Variants in ACOX1 observed in about 807,000 individuals in gnomAD.
ACOX1 encodes the protein acyl-CoA oxidase 1.
A neutral mutation model predicts 75.5 loss-of-function variants in ACOX1; 41 were observed. The observed-to-expected ratio is 0.54, with a 90% CI of 0.42 to 0.70. The LOEUF is 0.70. Among genes scored for constraint, ACOX1 ranks in the 30% least tolerant of loss-of-function variants. The probability of loss-of-function intolerance (pLI) is 0.00; values close to 1 mark genes in which losing one functional copy is unlikely to be tolerated. For missense variants in ACOX1, 630 were observed against 837.5 expected (o/e 0.75, Z 3.06); for synonymous variants, 303 against 298.8 (o/e 1.01, Z -0.15).
intron 2 of ACOX1, chr17:75,973,858 AG>A: frequency 6.7e-7 from 1 of 1,500,482 alleles, no homozygotes; most frequent in South Asian, 1.2e-5. Flanking sequence ...CTTGCCAAAC[AG>A]CTTTGGCCTT....
Position 75,950,848 on chromosome 17 carries a change from T to C in ACOX1, c.1224A>G (p.Pro408=). 3.7e-6 allele frequency: 6 copies of C among 1,614,174 alleles called. No individual in the cohort carries two copies. The highest frequency in any genetic ancestry group is 4.2e-6 in the Non-Finnish European group (5 of 1,180,044). The part of the protein sequence containing the change: ...GHGYSHCSGL[P]NIYVNFTPSC... ...TTGGGGTGAAATTGACATAAATATTTGGAAGACCACTGCAATGAGAATAGC... is the reference window on the plus strand; with the variant it reads ...TTGGGGTGAAATTGACATAAATATTCGGAAGACCACTGCAATGAGAATAGC... The change falls in exon 9 of 14, where the codon CCA becomes CCG. Residue 408 remains proline (P), a synonymous_variant. Transcript: ENST00000293217. The surrounding 1 kb of genome is among the most constrained non-coding windows in gnomAD (Gnocchi z 4.3).
intron 2 of ACOX1, among the ~76,000 whole-genome samples, chr17:75,970,206 A>AAAAAAAAAAG (rs1290176098): frequency 2.0e-5 from 3 of 151,200 alleles, no homozygotes; most frequent in African/African-American, 7.3e-5. Flanking sequence ...AAAAAAGAGG[A>AAAAAAAAAAG]AGGAAGGAAG....
chr17:75,979,138 G>A lies in ACOX1; in HGVS notation c.-65C>T. ...GTGGCAGTGACAATCTAAATCCGCA[G>A]CTCCAGCGCCGGCCGGACCCTAGGA... On this transcript the variant is annotated 5_prime_UTR_variant, in exon 1 of 14. Transcript: ENST00000293217. The A allele has an allele frequency of 6.3e-7, 1 of 1,591,076 alleles. No homozygotes were observed. The highest frequency in any genetic ancestry group is 1.7e-5 in the Admixed American group (1 of 58,544).
At chr17:75,961,759 CAA>C (rs61575984) in intron 2 of ACOX1, among the ~76,000 whole-genome samples, 20 of 53,050 alleles carry the variant, frequency 3.8e-4, no homozygotes, top group African/African-American at 6.5e-4. Context: ...GACTCTGTCT[CAA>C]AAAAAAAAAA....
At chr17:75,957,303 A>G in intron 4 of ACOX1, 156 bp downstream of exon 4, 1 of 703,194 alleles carries the variant, frequency 1.4e-6, no homozygotes, top group Non-Finnish European at 2.6e-6. Context: ...CTGGTCTTGA[A>G]TTCCTGACCT....
At chr17:75,964,910 C>T (rs73357507) in intron 2 of ACOX1, among the ~76,000 whole-genome samples, 7,546 of 151,992 alleles carry the variant, frequency 0.05, 207 homozygotes, top group East Asian at 0.095. Context: ...ACCAATTAGA[C>T]TAATCATATA....
Position 75,951,491 on chromosome 17 carries a change from A to G in ACOX1, c.1031T>C (p.Val344Ala). ...ATAGGTCTCCTTCATGTATGCGCCC[A>G]CAAACTGGAAGGCATAGGCAGTGGC... ...LLATAYAFQFVGAYMKETYHR... is the reference protein window; with the variant it reads ...LLATAYAFQFAGAYMKETYHR... Residue 344 changes from valine (V) to alanine (A), a missense_variant, in exon 8 of 14, where the codon GTG (valine) becomes GCG (alanine). This residue lies in a region of ACOX1 where 390 missense variants were observed against 574.9 expected (regional missense o/e 0.68). Transcript: ENST00000293217. The G allele has an allele frequency of 6.2e-7, 1 of 1,614,170 alleles. No individual in the cohort carries two copies. The highest frequency in any genetic ancestry group is 1.3e-5 in the African/African-American group (1 of 75,032).
At chr17:75,975,859 G>C (rs2066043604) in intron 2 of ACOX1, among the ~76,000 whole-genome samples, 1 of 150,640 alleles carries the variant, frequency 6.6e-6, no homozygotes, top group Non-Finnish European at 1.5e-5. Context: ...AATGCAGAGA[G>C]AGAGAGAGAG....
rs1173854726 is a variant in ACOX1, at chr17:75,945,887, G to C, written c.*861C>G. On this transcript the variant is annotated 3_prime_UTR_variant, in exon 14 of 14. Transcript: ENST00000293217. The stretch of plus-strand genomic sequence containing the variant: ...TTTCTGTGCTACGTCTGGGAGTGCT[G>C]ACCTAAGTGACATTTTTTTTTAATG... 1 of 152,124 alleles carries C rather than the reference G, an allele frequency of 6.6e-6. No individual in the cohort carries two copies. The highest frequency in any genetic ancestry group is 2.4e-5 in the African/African-American group (1 of 41,384). 9.4% of individuals were successfully genotyped at this position (152,124 alleles called of 1,614,324 possible).
chr17:75,970,492 G>A (rs772520115), intron 2 of ACOX1, among the ~76,000 whole-genome samples: 1 of 152,114 alleles, frequency 6.6e-6, no homozygotes, highest in Non-Finnish European at 1.5e-5. Context: ...GAGTTTCTTC[G>A]TGTCCTTAGA....
At chr17:75,964,199 A>T (rs1261567399) in intron 2 of ACOX1, among the ~76,000 whole-genome samples, 3 of 144,218 alleles carry the variant, frequency 2.1e-5, no homozygotes, top group African/African-American at 5.4e-5. Flanking sequence ...AAAAAAAAAA[A>T]TTAATAGCGG....
chr17:75,967,682 G>GTATATATATACATACATATATATACA (rs2065948871), intron 2 of ACOX1, among the ~76,000 whole-genome samples: 1 of 90,820 alleles, frequency 1.1e-5, no homozygotes. Flanking sequence ...ATATATATAC[G>GTATATATATACATACATATATATACA]TATATATATA....
At chr17:75,964,396 A>G (rs56140816) in intron 2 of ACOX1, among the ~76,000 whole-genome samples, 7,535 of 152,112 alleles carry the variant, frequency 0.05, 201 homozygotes, top group East Asian at 0.094. Flanking sequence ...ATGGAAGGTT[A>G]TTTTACTTCA....
In ACOX1 at chr17:75,978,815, C is replaced by T; in HGVS notation, c.110-122G>A. On this transcript the variant is annotated intron_variant, in intron 1 of 13. Transcript: ENST00000293217. The surrounding 1 kb of genome is among the most constrained non-coding windows in gnomAD (Gnocchi z 4.2). ...CCTGGGGAATGGCGATATCCCCCCA[C>T]CAGGGACACAGGCTGTTCCTCGAAG... 6.2e-7 allele frequency: 1 copy of T among 1,602,510 alleles called. No individual in the cohort carries two copies. The highest frequency in any genetic ancestry group is 8.5e-7 in the Non-Finnish European group (1 of 1,178,250).
rs1384167737 is a variant in ACOX1 at position 75,967,707 on chromosome 17, C to CAT, written c.270-7334_270-7333dup. 1.7e-3 allele frequency among the ~76,000 whole-genome samples: 204 copies of CAT among 121,014 alleles called. 7 individuals carry two copies. Among genetic ancestry groups the CAT allele is most frequent in the African/African-American group, 5.1e-3 (157 of 30,654 alleles). The allele number at this position is 121,014 out of a possible 152,430, so 79.4% of individuals were successfully genotyped here. A position where few individuals can be genotyped will look rare whatever the true frequency, so the allele number is the denominator to read the frequency against. On this transcript the variant is annotated intron_variant, in intron 2 of 13. Transcript: ENST00000293217. Reference sequence around the variant, plus strand: ...GTATATATATACATACATATATATACATATATATATACACATATATATATA... The same window carrying CAT: ...GTATATATATACATACATATATATACATATATATATATACACATATATATATA...
At chr17:75,957,401 A>C (rs936633059) in intron 4 of ACOX1, 58 bp downstream of exon 4, 2 of 1,465,470 alleles carry the variant, frequency 1.4e-6, no homozygotes, top group East Asian at 2.3e-5. Flanking sequence ...CTACATTCTA[A>C]GCAAAATCTC....
chr17:75,956,949 CTCTCTCTCTCTCTCTCTCTCTCTA>C (rs1285976592), intron 4 of ACOX1, among the ~76,000 whole-genome samples: 60 of 33,218 alleles, frequency 1.8e-3, no homozygotes, highest in African/African-American at 3.9e-3. Context: ...CTCTCTCTCT[CTCTCTCTCTCTCTCTCTCTCTCTA>C]TATATATATA....
Position 75,974,017 on chromosome 17 carries a change from G to A in ACOX1, c.269+4517C>T, listed in dbSNP as rs58681646. ...GGCCACAGTTCCCACAGTTCATTTC[G>A]TATTTACATTTAATCCACTAAGCAA... On this transcript the variant is annotated intron_variant, in intron 2 of 13. Transcript: ENST00000293217. 0.05 allele frequency among the ~76,000 whole-genome samples: 7,558 copies of A among 152,182 alleles called. 205 individuals are homozygous for A. The highest frequency in any genetic ancestry group is 0.099 in the East Asian group (512 of 5,188).
intron 2 of ACOX1, among the ~76,000 whole-genome samples, chr17:75,973,033 T>C (rs1423516974): frequency 6.6e-6 from 1 of 152,160 alleles, no homozygotes; most frequent in Non-Finnish European, 1.5e-5. Context: ...AAGCAAAACT[T>C]TTTGAAGGAA....
Sources: gnomAD v4.1 joint callset for allele counts (sites outside exome capture counted in the v4.1 genomes callset) on GRCh38, gnomAD v4.1.1 for gene constraint, gnomAD v4.1.1 regional missense constraint, Gnocchi (gnomAD v3.1) non-coding constraint, MANE v1.5 for transcripts, NCBI Gene and HGNC (gene_info 2026-07-23, HGNC 2026-07-21) for gene names.